GARS1: variants seen among roughly 807,000 people sequenced by gnomAD.
The protein encoded by GARS1 is glycyl-tRNA synthetase 1, also known as glycine--tRNA ligase.
A neutral mutation model predicts 86.4 loss-of-function variants in GARS1; 46 were observed. The observed-to-expected ratio is 0.53, with a 90% confidence interval of 0.42 to 0.68. The LOEUF is 0.68. Among genes scored for constraint, GARS1 ranks in the 30% least tolerant of loss-of-function variants. The probability of loss-of-function intolerance (pLI) is 0.00; values close to 1 mark genes in which losing one functional copy is unlikely to be tolerated. For missense variants in GARS1, 797 were observed against 915.6 expected (o/e 0.87, Z 1.67); for synonymous variants, 342 against 329.8 (o/e 1.04, Z -0.40).
At position 30,633,895 on chromosome 7, in the gene GARS1, A is replaced by AT; in HGVS notation, c.*36dup. On this transcript the variant is annotated 3_prime_UTR_variant, in exon 17 of 17. Coordinates refer to ENST00000389266, the MANE Select transcript of GARS1 (RefSeq NM_002047.4). ...TGACAACTTTTGACCACTTGCGCTA[A>AT]TAAAAAAAAAAAAAAACTACTCTTA... 6.6e-7 allele frequency: 1 copy of AT among 1,509,278 alleles called. No individual in the cohort carries two copies. The highest frequency in any genetic ancestry group is 8.9e-7 in the Non-Finnish European group (1 of 1,123,524). The allele number at this position is 1,509,278 out of a possible 1,614,324, so 93.5% of individuals were successfully genotyped here. A position where few individuals can be genotyped will look rare whatever the true frequency, so the allele number is the denominator to read the frequency against.
chr7:30,615,301 A>G (rs960095547), intron 8 of GARS1, among the ~76,000 whole-genome samples: 1 of 152,228 alleles, frequency 6.6e-6, no homozygotes, highest in South Asian at 2.1e-4. Context: ...TATGAAAGCT[A>G]AAGAACCATT....
Position 30,632,125 on chromosome 7 carries a change from A to C in GARS1, c.1904-122A>C. 1.1e-6 allele frequency: 1 copy of C among 914,122 alleles called. No homozygotes were observed. 56.6% of individuals were successfully genotyped at this position (914,122 alleles called of 1,614,324 possible). ...GGATATTTCTTTCTCTTGCAACTCAACTTGTTGCTTTCTTGTCTTGGTCCC... is the reference window on the plus strand; with the variant it reads ...GGATATTTCTTTCTCTTGCAACTCACCTTGTTGCTTTCTTGTCTTGGTCCC... On this transcript the variant is annotated intron_variant, in intron 15 of 16. Transcript: ENST00000389266. The surrounding 1 kb of genome is among the most constrained non-coding windows in gnomAD (Gnocchi z 4.1).
intron 3 of GARS1, among the ~76,000 whole-genome samples, chr7:30,600,416 T>A (rs1791349068): frequency 6.6e-6 from 1 of 152,248 alleles, no homozygotes; most frequent in Admixed American, 6.5e-5. Flanking sequence ...GGGGCAGTGA[T>A]AAAACAGTCC....
At chr7:30,603,672 A>G in intron 6 of GARS1, 100 bp downstream of exon 6, 1 of 846,940 alleles carries the variant, frequency 1.2e-6, no homozygotes, top group East Asian at 2.5e-5. Context: ...GACCCTGGCC[A>G]CATTGTAATG....
Position 30,598,900 on chromosome 7 carries a change from G to T in GARS1, c.324+3G>T. ...GCAAGAGGGTTCTGGAAGCAAAGGT[G>T]AGTCCTGGGATGCTAAAATAGGAAC... is the stretch of plus-strand genomic sequence containing the variant. On this transcript the variant is annotated splice_donor_region_variant and intron_variant, in intron 2 of 16. Transcript: ENST00000389266. 6.2e-7 allele frequency: 1 copy of T among 1,609,484 alleles called. No individual in the cohort carries two copies. Among genetic ancestry groups the T allele is most frequent in the Non-Finnish European group, 8.5e-7 (1 of 1,175,768 alleles).
intron 10 of GARS1, among the ~76,000 whole-genome samples, chr7:30,620,373 C>T (rs1217555798): frequency 6.6e-6 from 1 of 152,132 alleles, no homozygotes; most frequent in Non-Finnish European, 1.5e-5. Flanking sequence ...GGGCCCCATT[C>T]TCAGTCGCAT....
chr7:30,609,425 G>A lies in GARS1; in HGVS notation c.736-160G>A, dbSNP rs1412677497. On this transcript the variant is annotated intron_variant, in intron 6 of 16. Coordinates refer to ENST00000389266, the MANE Select transcript of GARS1 (RefSeq NM_002047.4). The stretch of plus-strand genomic sequence containing the variant: ...TGATAAATGGAAAGTGAATAAATTG[G>A]TTATGGTTTTAATGTGGGTGTCCTG... Among the ~76,000 whole-genome samples, 3 of 152,194 alleles carry A rather than the reference G, an allele frequency of 2.0e-5. No homozygotes were observed. The East Asian group carries it at 5.8e-4, about 29-fold the overall frequency.
intron 4 of GARS1, 100 bp downstream of exon 4, chr7:30,601,300 C>T (rs62446863): frequency 9.4e-7 from 1 of 1,060,784 alleles, no homozygotes; most frequent in African/African-American, 1.6e-5. Flanking sequence ...TTATAAAGAA[C>T]TACTCATTTC....
At chr7:30,600,651 AC>A (rs1791354690) in intron 3 of GARS1, among the ~76,000 whole-genome samples, 2 of 152,358 alleles carry the variant, frequency 1.3e-5, no homozygotes, top group Non-Finnish European at 2.9e-5. Flanking sequence ...GTAAATGTTT[AC>A]CCTTTTGAGG....
intron 14 of GARS1, among the ~76,000 whole-genome samples, chr7:30,630,503 ATTTTTATTTTCG>A (rs1317811446): frequency 7.4e-6 from 1 of 134,248 alleles, no homozygotes; most frequent in East Asian, 2.2e-4. Flanking sequence ...TCCACAGAAT[ATTTTTATTTTCG>A]CCTTTTTTTT....
intron 14 of GARS1, among the ~76,000 whole-genome samples, chr7:30,630,517 CTTTTTT>C (rs758530758): frequency 0.016 from 2,124 of 130,992 alleles, 60 homozygotes; most frequent in African/African-American, 0.057. Context: ...TTATTTTCGC[CTTTTTT>C]TTTTTTTTTT....
chr7:30,599,847 T>G, intron 2 of GARS1, 100 bp from the exon 3 acceptor site: 1 of 781,398 alleles, frequency 1.3e-6, no homozygotes, highest in South Asian at 1.7e-5. Flanking sequence ...TTGATAAATT[T>G]TATATTTAAT....
At chr7:30,594,853 T>G (rs527307703), upstream of GARS1, 16 of 1,352,660 alleles carry the variant, frequency 1.2e-5, no homozygotes, top group Non-Finnish European at 1.4e-5. Context: ...GATTTCATCA[T>G]GCTCCGAGCC....
At chr7:30,631,630 T>A in intron 15 of GARS1, 89 bp downstream of exon 15, 1 of 846,988 alleles carries the variant, frequency 1.2e-6, no homozygotes, top group Non-Finnish European at 2.0e-6. Flanking sequence ...AATAAAAATA[T>A]AGACTGAATA....
intron 8 of GARS1, 98 bp downstream of exon 8, chr7:30,612,343 G>T: frequency 9.0e-7 from 1 of 1,110,562 alleles, no homozygotes. Context: ...TCATAATCCT[G>T]ATTATGAATT....
At chr7:30,627,623 T>C (rs574214853) in intron 13 of GARS1, among the ~76,000 whole-genome samples, 1 of 152,318 alleles carries the variant, frequency 6.6e-6, no homozygotes, top group African/African-American at 2.4e-5. Context: ...GGTGTTGTCT[T>C]ACCCACATGA....
chr7:30,631,653 G>A, intron 15 of GARS1, 112 bp downstream of exon 15: 2 of 767,504 alleles, frequency 2.6e-6, no homozygotes, highest in Non-Finnish European at 4.6e-6. Flanking sequence ...GAATATAAAT[G>A]ATTTTATAAA....
Position 30,628,582 on chromosome 7 carries a change from A to T in GARS1, c.1722A>T (p.Val574=). 1 of 1,612,194 alleles carries T rather than the reference A, an allele frequency of 6.2e-7. No homozygotes were observed. Among genetic ancestry groups the T allele is most frequent in the Non-Finnish European group, 8.5e-7 (1 of 1,178,384 alleles). The change falls in exon 14 of 17, where the codon GTA becomes GTT. Residue 574 remains valine (V), a synonymous_variant. Transcript: ENST00000389266. ...TLYVEEVVPN[V]IEPSFGLGRI... is the part of the protein sequence containing the mutation. ...CAGTGGAAGAAGTTGTTCCGAATGTAATTGAACCTTCCTTCGGCCTGGGTA... is the reference window on the plus strand; with the variant it reads ...CAGTGGAAGAAGTTGTTCCGAATGTTATTGAACCTTCCTTCGGCCTGGGTA...
At chr7:30,627,008 C>A (rs1201326531) in intron 13 of GARS1, 5 of 436,716 alleles carry the variant, frequency 1.1e-5, no homozygotes, top group East Asian at 7.3e-5. Flanking sequence ...TAATTTAGAC[C>A]AGTGATGTTG....
Sources: gnomAD v4.1 joint callset for allele counts (sites outside exome capture counted in the v4.1 genomes callset) on GRCh38, gnomAD v4.1.1 for gene constraint, Gnocchi (gnomAD v3.1) non-coding constraint, MANE v1.5 for transcripts, NCBI Gene and HGNC (gene_info 2026-07-23, HGNC 2026-07-21) for gene names.